The following NBDY variants were observed in gnomAD, a reference collection of about 807,000 sequenced individuals.
The protein encoded by NBDY is P-body dissociating protein.
At chrX:56,730,725 C>T (rs971965863) in intron 1 of NBDY, among the ~76,000 whole-genome samples, 3 of 109,247 alleles carry the variant, frequency 2.7e-5, no homozygotes, top group Non-Finnish European at 5.7e-5. Flanking sequence ...TGCTTCAGGG[C>T]CTTAAATGTT....
At chrX:56,810,368 G>T (rs920587221) in intron 2 of NBDY, among the ~76,000 whole-genome samples, 10 of 111,115 alleles carry the variant, frequency 9.0e-5, no homozygotes. Flanking sequence ...CATTCTCCCT[G>T]TCACTTTCAC....
chrX:56,754,884 A>G (rs1263072994), intron 2 of NBDY, among the ~76,000 whole-genome samples: 1 of 111,917 alleles, frequency 8.9e-6, no homozygotes, highest in Non-Finnish European at 1.9e-5. Flanking sequence ...AATAAAGGGA[A>G]AAACAAACCA....
At chrX:56,767,396 TGAG>T (rs1229294136) in intron 2 of NBDY, among the ~76,000 whole-genome samples, 4 of 113,163 alleles carry the variant, frequency 3.5e-5, no homozygotes, top group Non-Finnish European at 5.6e-5. Flanking sequence ...TGGCCGCCCT[TGAG>T]GAGCCCCTCA....
chrX:56,800,966 T>C (rs1213153930), intron 2 of NBDY, among the ~76,000 whole-genome samples: 1 of 111,080 alleles, frequency 9.0e-6, no homozygotes, highest in Non-Finnish European at 1.9e-5. Flanking sequence ...CTCCCACCCA[T>C]TTCCGGGGTA....
At chrX:56,747,813 G>A (rs1186397204) in intron 2 of NBDY, among the ~76,000 whole-genome samples, 1 of 111,834 alleles carries the variant, frequency 8.9e-6, no homozygotes, top group Non-Finnish European at 1.9e-5. Flanking sequence ...TTGGGATGGA[G>A]CACAGATCAG....
intron 2 of NBDY, among the ~76,000 whole-genome samples, chrX:56,744,068 A>G (rs999465185): frequency 3.6e-5 from 4 of 110,838 alleles, no homozygotes; most frequent in African/African-American, 1.3e-4. Flanking sequence ...TTCTTCATTG[A>G]CCCACTGCTT....
chrX:56,788,592 C>T lies in NBDY; in HGVS notation c.*167-28728C>T, dbSNP rs185499138. Among the ~76,000 whole-genome samples, 5 of 112,204 alleles carry T rather than the reference C, an allele frequency of 4.5e-5. No homozygotes were observed. The East Asian group carries it at 1.4e-3, about 32-fold the overall frequency. ...CAGGAACTGCCGGGCATGAGTCGCC[C>T]CACACTCAGCACCCCGTAGCTCCTT... is the stretch of plus-strand genomic sequence containing the variant. On this transcript the variant is annotated intron_variant, in intron 2 of 2. Coordinates refer to ENST00000374922, the MANE Select transcript of NBDY (RefSeq NM_001348129.2).
chrX:56,798,715 G>A (rs5914800), intron 2 of NBDY, among the ~76,000 whole-genome samples: 62,019 of 110,574 alleles, frequency 0.56, 15,446 homozygotes, highest in Non-Finnish European at 0.77. Flanking sequence ...TGCAGGAGCA[G>A]GAGACATGAA....
chrX:56,763,326 C>A (rs774056503), intron 2 of NBDY, among the ~76,000 whole-genome samples: 10 of 112,089 alleles, frequency 8.9e-5, no homozygotes, highest in Non-Finnish European at 1.9e-4. Context: ...CTCCTCCCAC[C>A]CCCATCTGTG....
chrX:56,736,544 G>A (rs774830059), intron 2 of NBDY, among the ~76,000 whole-genome samples: 5 of 112,354 alleles, frequency 4.5e-5, no homozygotes, highest in Non-Finnish European at 7.5e-5. Context: ...GGGACCACAG[G>A]CGTGAGCCAC....
intron 2 of NBDY, among the ~76,000 whole-genome samples, chrX:56,781,482 G>C (rs10855133): frequency 0.54 from 59,752 of 110,495 alleles, 14,223 homozygotes; most frequent in Non-Finnish European, 0.74. Flanking sequence ...TCTTCTGGCT[G>C]GCGCCTTATC....
chrX:56,755,943 A>G (rs1261922616), intron 2 of NBDY, among the ~76,000 whole-genome samples: 1 of 104,778 alleles, frequency 9.5e-6, no homozygotes, highest in Non-Finnish European at 2.0e-5. Flanking sequence ...CATATACACC[A>G]TGGAATACTA....
intron 2 of NBDY, among the ~76,000 whole-genome samples, chrX:56,739,243 T>TATATATATAC (rs2069516285): frequency 1.3e-5 from 1 of 78,426 alleles, no homozygotes; most frequent in Non-Finnish European, 2.3e-5. Flanking sequence ...TGTGTGTATA[T>TATATATATAC]ATATATATAT....
intron 2 of NBDY, among the ~76,000 whole-genome samples, chrX:56,741,227 C>T (rs1252447328): frequency 3.6e-5 from 4 of 111,542 alleles, no homozygotes; most frequent in African/African-American, 1.3e-4. Flanking sequence ...ACATTTTCTT[C>T]GTTCATGTAT....
intron 2 of NBDY, among the ~76,000 whole-genome samples, chrX:56,790,557 C>A (rs1400759005): frequency 8.9e-6 from 1 of 112,430 alleles, no homozygotes; most frequent in Non-Finnish European, 1.9e-5. Context: ...GGGGCACCTC[C>A]GGCCCTGCCT....
At chrX:56,765,806 T>G (rs1056216262) in intron 2 of NBDY, among the ~76,000 whole-genome samples, 1 of 109,644 alleles carries the variant, frequency 9.1e-6, no homozygotes, top group Non-Finnish European at 1.9e-5. Flanking sequence ...CCCCCTGCAC[T>G]TCCTTCTCCT....
At chrX:56,750,451 A>T (rs2069578786) in intron 2 of NBDY, among the ~76,000 whole-genome samples, 1 of 81,252 alleles carries the variant, frequency 1.2e-5, no homozygotes, top group South Asian at 7.0e-4. Flanking sequence ...AATCTCACCC[A>T]CTGTCCTGGG....
intron 2 of NBDY, among the ~76,000 whole-genome samples, chrX:56,764,374 G>A (rs952917106): frequency 7.2e-5 from 8 of 111,795 alleles, no homozygotes; most frequent in African/African-American, 9.8e-5. Context: ...GGCCAGCTCC[G>A]CCCTCTGGGC....
At chrX:56,766,056 G>A (rs902721093) in intron 2 of NBDY, among the ~76,000 whole-genome samples, 1 of 111,752 alleles carries the variant, frequency 8.9e-6, no homozygotes, top group Non-Finnish European at 1.9e-5. Context: ...CTACCCACGT[G>A]TTACTTTTAA....
Sources: gnomAD v4.1 joint callset for allele counts (sites outside exome capture counted in the v4.1 genomes callset) on GRCh38, gnomAD v4.1.1 for gene constraint, MANE v1.5 for transcripts, NCBI Gene and HGNC (gene_info 2026-07-23, HGNC 2026-07-21) for gene names.